Variants in MTHFD2L observed in about 807,000 individuals in gnomAD.
MTHFD2L encodes bifunctional methylenetetrahydrofolate dehydrogenase/cyclohydrolase 2, mitochondrial.
A neutral mutation model predicts 34.9 loss-of-function variants in MTHFD2L; 29 were observed. The observed-to-expected ratio is 0.83, with a 90% CI of 0.62 to 1.13. The LOEUF is 1.13. Ranked by LOEUF, MTHFD2L falls within the 50% of genes most tolerant of loss-of-function variation. The pLI is 0.00. For synonymous variants in MTHFD2L, 167 were observed against 155.7 expected (o/e 1.07, Z -0.54); for missense variants, 481 against 446.5 (o/e 1.08, Z -0.70).
Position 74,267,305 on chromosome 4 carries a change from T to TTTC in MTHFD2L, c.806-14118_806-14117insCTT, listed in dbSNP as rs74362509. The TTTC allele has an allele frequency of 9.7e-3, 4,702 of 485,344 alleles. 32 individuals carry two copies. The highest frequency in any genetic ancestry group is 0.011 in the Middle Eastern group (11 of 998). 30.1% of individuals were successfully genotyped at this position (485,344 alleles called of 1,614,324 possible). ...TATTCTATTCTTTTCTTTTCTTTTC[T>TTTC]TTTCTTTCTTTCTCTTTCTCTCTTT... On this transcript the variant is annotated intron_variant, in intron 6 of 7. Coordinates refer to ENST00000325278, the MANE Select transcript of MTHFD2L (RefSeq NM_001144978.3).
At chr4:74,246,719 C>T (rs1754942542) in intron 6 of MTHFD2L, among the ~76,000 whole-genome samples, 1 of 152,100 alleles carries the variant, frequency 6.6e-6, no homozygotes, top group African/African-American at 2.4e-5. Flanking sequence ...TTCCCAGCAC[C>T]ATTTATTAAA....
At chr4:74,178,417 G>A (rs1443381546) in intron 3 of MTHFD2L, among the ~76,000 whole-genome samples, 1 of 151,970 alleles carries the variant, frequency 6.6e-6, no homozygotes, top group Non-Finnish European at 1.5e-5. Context: ...TAACTACGTT[G>A]GATTTTATAT....
At chr4:74,208,944 G>GTCAGTCCAGTCTCCCTCAGA (rs1413923720) in intron 5 of MTHFD2L, among the ~76,000 whole-genome samples, 6 of 152,260 alleles carry the variant, frequency 3.9e-5, no homozygotes, top group Non-Finnish European at 7.4e-5. Context: ...TTGGGGAAAT[G>GTCAGTCCAGTCTCCCTCAGA]TCAGTCCAGT....
chr4:74,116,293 T>C (rs1454793843), intron 2 of MTHFD2L, among the ~76,000 whole-genome samples: 1 of 152,184 alleles, frequency 6.6e-6, no homozygotes, highest in Non-Finnish European at 1.5e-5. Context: ...ATAACATAAC[T>C]GTCAACCAAT....
intron 4 of MTHFD2L, among the ~76,000 whole-genome samples, 178 bp from the exon 5 acceptor site, chr4:74,201,080 ACAAAT>A (rs1349617500): frequency 4.6e-5 from 7 of 152,242 alleles, no homozygotes; most frequent in African/African-American, 7.2e-5. Context: ...AGAAGAAGTG[ACAAAT>A]CAAAGAAGCA....
chr4:74,196,161 C>T (rs550520295), intron 3 of MTHFD2L, among the ~76,000 whole-genome samples: 1 of 151,852 alleles, frequency 6.6e-6, no homozygotes, highest in African/African-American at 2.4e-5. Flanking sequence ...AACTAGTGTG[C>T]TAAGTATTTT....
intron 1 of MTHFD2L, among the ~76,000 whole-genome samples, chr4:74,141,067 T>A (rs948937005): frequency 6.6e-5 from 10 of 152,246 alleles, no homozygotes; most frequent in Non-Finnish European, 8.8e-5. Context: ...TATAATATTT[T>A]ATGAATGTAC....
intron 7 of MTHFD2L, chr4:74,288,155 C>G (rs570496896): frequency 1.2e-4 from 19 of 152,194 alleles, no homozygotes; most frequent in African/African-American, 3.9e-4. Flanking sequence ...TCTCCTGAAA[C>G]AGTCATTCTG....
chr4:74,254,781 A>C (rs2110207611), intron 6 of MTHFD2L, among the ~76,000 whole-genome samples: 1 of 151,924 alleles, frequency 6.6e-6, no homozygotes, highest in African/African-American at 2.4e-5. Flanking sequence ...ATCACTTTTA[A>C]CTTTAGTATG....
chr4:74,147,822 C>T (rs144250992), intron 1 of MTHFD2L, among the ~76,000 whole-genome samples: 399 of 152,120 alleles, frequency 2.6e-3, no homozygotes, highest in African/African-American at 9.3e-3. Flanking sequence ...GGAAAAATGT[C>T]GATGTAAGTC....
chr4:74,215,714 G>A (rs985415342), intron 5 of MTHFD2L, among the ~76,000 whole-genome samples: 4 of 151,670 alleles, frequency 2.6e-5, no homozygotes, highest in African/African-American at 9.7e-5. Context: ...CGAGCAGATA[G>A]CAATGTATAA....
intron 6 of MTHFD2L, among the ~76,000 whole-genome samples, chr4:74,268,791 G>A (rs1745614465): frequency 1.3e-5 from 2 of 152,124 alleles, no homozygotes; most frequent in South Asian, 4.1e-4. Flanking sequence ...TAATTAGGGA[G>A]AATAAGGATA....
In MTHFD2L at chr4:74,264,962, G is replaced by T. The variant is rs556231623; in HGVS notation, c.806-16463G>T. Among the ~76,000 whole-genome samples the T allele has an allele frequency of 4.6e-5, 7 of 152,110 alleles. No individual in the cohort carries two copies. The East Asian group carries it at 1.2e-3, about 25-fold the overall frequency. ...ACATGTGGAGATATTAAGATCTATT[G>T]GAAAACAAATTCACTGTACATGTGT... On this transcript the variant is annotated intron_variant, in intron 6 of 7. Transcript: ENST00000325278.
chr4:74,171,522 G>T (rs900149834), intron 1 of MTHFD2L, among the ~76,000 whole-genome samples: 10 of 152,180 alleles, frequency 6.6e-5, no homozygotes, highest in African/African-American at 2.2e-4. Flanking sequence ...AATTAAAGCG[G>T]CCAGGAGTGG....
intron 6 of MTHFD2L, among the ~76,000 whole-genome samples, chr4:74,262,456 T>C (rs557059938): frequency 6.6e-6 from 1 of 151,992 alleles, no homozygotes; most frequent in East Asian, 1.9e-4. Flanking sequence ...GAGTTAAAAT[T>C]TTAGCATTTT....
chr4:74,180,891 G>T (rs1261899349), intron 3 of MTHFD2L: 2 of 182,670 alleles, frequency 1.1e-5, no homozygotes, highest in African/African-American at 2.4e-5. Context: ...TGTTATTTAT[G>T]TTATATTCTT....
At chr4:74,204,225 G>A (rs1029471622) in intron 5 of MTHFD2L, among the ~76,000 whole-genome samples, 6 of 151,668 alleles carry the variant, frequency 4.0e-5, no homozygotes, top group Admixed American at 1.3e-4. Context: ...GTAGGCCTCC[G>A]CTTTCCTCAT....
chr4:74,226,942 AT>A (rs1739266045), intron 6 of MTHFD2L, among the ~76,000 whole-genome samples: 1 of 152,124 alleles, frequency 6.6e-6, no homozygotes, highest in African/African-American at 2.4e-5. Flanking sequence ...TTTTAGATTG[AT>A]TGATTGGTGA....
intron 5 of MTHFD2L, among the ~76,000 whole-genome samples, chr4:74,216,916 A>G (rs1031252469): frequency 1.3e-5 from 2 of 151,824 alleles, no homozygotes; most frequent in Non-Finnish European, 2.9e-5. Flanking sequence ...TTTCATTCAC[A>G]GTCTGTTTTC....
Sources: gnomAD v4.1 joint callset for allele counts (sites outside exome capture counted in the v4.1 genomes callset) on GRCh38, gnomAD v4.1.1 for gene constraint, MANE v1.5 for transcripts, NCBI Gene and HGNC (gene_info 2026-07-23, HGNC 2026-07-21) for gene names.